Variants in CD40 observed in about 807,000 individuals in gnomAD.
CD40 encodes the protein CD40 molecule.
In CD40, 19 loss-of-function variants were observed where a neutral mutation model predicts 38.5. The observed-to-expected ratio is 0.49, with a 90% confidence interval of 0.34 to 0.72. CD40 has a LOEUF of 0.72. Ranked by LOEUF, CD40 falls within the 30% of genes least tolerant of loss-of-function variation. CD40 has a pLI of 0.01. For missense variants in CD40, 256 were observed against 344.1 expected (o/e 0.74, Z 2.03); for synonymous variants, 130 against 128.7 (o/e 1.01, Z -0.07).
chr20:46,128,238 T>C lies in CD40; in HGVS notation c.646+14T>C, dbSNP rs765214644. 6.3e-7 allele frequency: 1 copy of C among 1,593,326 alleles called. No individual in the cohort carries two copies. Among genetic ancestry groups the C allele is most frequent in the South Asian group, 1.1e-5 (1 of 90,342 alleles). ...TGGTCTTTATCAGTGAGTCCTCAGGTGGGGAGGTGTTGGGGGAGGGAGGGG... is the reference window on the plus strand; with the variant it reads ...TGGTCTTTATCAGTGAGTCCTCAGGCGGGGAGGTGTTGGGGGAGGGAGGGG... On this transcript the variant is annotated intron_variant, in intron 7 of 8. Transcript: ENST00000372285.
chr20:46,121,441 A>T (rs2085315430), intron 1 of CD40, among the ~76,000 whole-genome samples: 1 of 152,184 alleles, frequency 6.6e-6, no homozygotes, highest in Non-Finnish European at 1.5e-5. Flanking sequence ...AGCCCCAAAC[A>T]GCACTGGGAC....
chr20:46,121,801 T>C lies in CD40; in HGVS notation c.52-19T>C, dbSNP rs61508870. 2.5e-6 allele frequency: 4 copies of C among 1,599,164 alleles called. No individual in the cohort carries two copies. The African/African-American group carries it at 5.4e-5, about 21-fold the overall frequency. Reference sequence around the variant, plus strand: ...CGGAGATTTCAAGATCCCTTCAAATTGCACAATTCTGTTTTTAGGTCCATC... The same window carrying C: ...CGGAGATTTCAAGATCCCTTCAAATCGCACAATTCTGTTTTTAGGTCCATC... On this transcript the variant is annotated intron_variant, in intron 1 of 8. Transcript: ENST00000372285.
At chr20:46,128,519 A>C in intron 8 of CD40, 161 bp downstream of exon 8, 1 of 808,474 alleles carries the variant, frequency 1.2e-6, no homozygotes, top group Middle Eastern at 2.2e-4. Context: ...TGCTCCTTCC[A>C]TCCAGAGCTC....
At chr20:46,126,606 G>C (rs368862151) in intron 5 of CD40, 34 bp from the exon 6 acceptor site, 16 of 1,613,058 alleles carry the variant, frequency 9.9e-6, no homozygotes, top group African/African-American at 1.3e-5. Flanking sequence ...TTCTTTCTCT[G>C]TGTGTGTGCA....
chr20:46,124,505 A>G (rs2085382899), intron 5 of CD40, among the ~76,000 whole-genome samples: 1 of 151,946 alleles, frequency 6.6e-6, no homozygotes, highest in Non-Finnish European at 1.5e-5. Context: ...CAACACACAC[A>G]CACACACACA....
intron 1 of CD40, among the ~76,000 whole-genome samples, chr20:46,119,611 C>A (rs1047941174): frequency 1.3e-5 from 2 of 152,148 alleles, no homozygotes; most frequent in East Asian, 3.8e-4. Flanking sequence ...TGGGCTGTGA[C>A]AACAATGTCA....
In CD40 at chr20:46,129,231, A is replaced by G; in HGVS notation, c.*191A>G. 1.5e-6 allele frequency: 1 copy of G among 650,886 alleles called. No homozygotes were observed. The highest frequency in any genetic ancestry group is 2.8e-5 in the East Asian group (1 of 35,630). 40.3% of individuals were successfully genotyped at this position (650,886 alleles called of 1,614,324 possible). On this transcript the variant is annotated 3_prime_UTR_variant, in exon 9 of 9. Coordinates refer to ENST00000372285, the MANE Select transcript of CD40 (RefSeq NM_001250.6). ...GATGCAGAAACAGTTCACCTTGAAG[A>G]ACCTCTCACTTCACCCTGGAGCCCA...
chr20:46,129,257 T>A lies in CD40; in HGVS notation c.*217T>A. On this transcript the variant is annotated 3_prime_UTR_variant, in exon 9 of 9. Coordinates refer to ENST00000372285, the MANE Select transcript of CD40 (RefSeq NM_001250.6). ...ACCTCTCACTTCACCCTGGAGCCCATCCAGTCTCCCAACTTGTATTAAAGA... is the reference window on the plus strand; with the variant it reads ...ACCTCTCACTTCACCCTGGAGCCCAACCAGTCTCCCAACTTGTATTAAAGA... 1.7e-6 allele frequency: 1 copy of A among 591,782 alleles called. No individual in the cohort carries two copies. Among genetic ancestry groups the A allele is most frequent in the South Asian group, 1.9e-5 (1 of 53,756 alleles). 36.7% of individuals were successfully genotyped at this position (591,782 alleles called of 1,614,324 possible). A position where few individuals can be genotyped will look rare whatever the true frequency, so the allele number is the denominator to read the frequency against.
chr20:46,126,064 G>A (rs1360404114), intron 5 of CD40, among the ~76,000 whole-genome samples: 2 of 152,148 alleles, frequency 1.3e-5, no homozygotes, highest in Admixed American at 1.3e-4. Context: ...TTCTCAACAG[G>A]GGGCAGTTTT....
chr20:46,126,868 C>T lies in CD40; in HGVS notation c.559+167C>T. Reference sequence around the variant, plus strand: ...TTGGGAGTCTGGGCAAATCACTTCCCCTCTCTTAGCCTCAGTTTCTTCATC... The same window carrying T: ...TTGGGAGTCTGGGCAAATCACTTCCTCTCTCTTAGCCTCAGTTTCTTCATC... On this transcript the variant is annotated intron_variant, in intron 6 of 8. Coordinates refer to ENST00000372285, the MANE Select transcript of CD40 (RefSeq NM_001250.6). The T allele has an allele frequency of 4.7e-6, 5 of 1,057,982 alleles. 1 individual carries two copies. The South Asian group carries it at 7.1e-5, about 15-fold the overall frequency. 65.5% of individuals were successfully genotyped at this position (1,057,982 alleles called of 1,614,324 possible).
Position 46,129,233 on chromosome 20 carries a change from C to A in CD40, c.*193C>A. 1.6e-6 allele frequency: 1 copy of A among 643,364 alleles called. No individual in the cohort carries two copies. Among genetic ancestry groups the A allele is most frequent in the Non-Finnish European group, 2.8e-6 (1 of 356,224 alleles). The allele number at this position is 643,364 out of a possible 1,614,324, so 39.9% of individuals were successfully genotyped here. A position where few individuals can be genotyped will look rare whatever the true frequency, so the allele number is the denominator to read the frequency against. ...TGCAGAAACAGTTCACCTTGAAGAACCTCTCACTTCACCCTGGAGCCCATC... is the reference window on the plus strand; with the variant it reads ...TGCAGAAACAGTTCACCTTGAAGAAACTCTCACTTCACCCTGGAGCCCATC... On this transcript the variant is annotated 3_prime_UTR_variant, in exon 9 of 9. Coordinates refer to ENST00000372285, the MANE Select transcript of CD40 (RefSeq NM_001250.6).
Position 46,127,099 on chromosome 20 carries a change from C to T in CD40, c.559+398C>T, listed in dbSNP as rs560368886. On this transcript the variant is annotated intron_variant, in intron 6 of 8. Transcript: ENST00000372285. ...TGTATACATATGTAACAAACCTGCACATTATGCACATGTACCCTAAAGCTT... is the reference window on the plus strand; with the variant it reads ...TGTATACATATGTAACAAACCTGCATATTATGCACATGTACCCTAAAGCTT... The T allele has an allele frequency of 1.6e-5, 4 of 252,984 alleles. No individual in the cohort carries two copies. In the East Asian group the frequency reaches 3.6e-4, roughly 22 times the overall value. 15.7% of individuals were successfully genotyped at this position (252,984 alleles called of 1,614,324 possible). A position where few individuals can be genotyped will look rare whatever the true frequency, so the allele number is the denominator to read the frequency against.
chr20:46,123,034 C>A, intron 4 of CD40, 92 bp from the exon 5 acceptor site: 1 of 1,043,250 alleles, frequency 9.6e-7, no homozygotes, highest in South Asian at 1.3e-5. Flanking sequence ...AAGGCAGGAG[C>A]TCTTCCCGTC....
At chr20:46,118,578 G>T (rs1568902715) in intron 1 of CD40, among the ~76,000 whole-genome samples, 184 bp downstream of exon 1, 1 of 152,160 alleles carries the variant, frequency 6.6e-6, no homozygotes, top group Non-Finnish European at 1.5e-5. Flanking sequence ...CTTCTCCCGG[G>T]CTGGGGTCCC....
chr20:46,124,027 G>A lies in CD40; in HGVS notation c.497+808G>A, dbSNP rs114743372. Among the ~76,000 whole-genome samples the A allele has an allele frequency of 1.6e-3, 240 of 152,312 alleles. 2 individuals carry two copies. Among genetic ancestry groups the A allele is most frequent in the African/African-American group, 5.6e-3 (231 of 41,566 alleles). On this transcript the variant is annotated intron_variant, in intron 5 of 8. Transcript: ENST00000372285. Reference sequence around the variant, plus strand: ...TAAACATGGGCCCCAGGCCAGGCGCGGTGGCTCTTGCCTGTAATCTCAGCA... The same window carrying A: ...TAAACATGGGCCCCAGGCCAGGCGCAGTGGCTCTTGCCTGTAATCTCAGCA...
At position 46,122,578 on chromosome 20, in the gene CD40, G is replaced by A. The variant is rs199588140; in HGVS notation, c.257-32G>A. Reference sequence around the variant, plus strand: ...AGGCTCAGAGCATGGCCCAGCAGGGGGTTCCCATCCTTCCTGCCCTTCTCT... The same window carrying A: ...AGGCTCAGAGCATGGCCCAGCAGGGAGTTCCCATCCTTCCTGCCCTTCTCT... On this transcript the variant is annotated intron_variant, in intron 3 of 8. Transcript: ENST00000372285. The surrounding 1 kb of genome is among the most constrained non-coding windows in gnomAD (Gnocchi z 5.0). 501 of 1,613,776 alleles carry A rather than the reference G, an allele frequency of 3.1e-4. 2 individuals are homozygous for A. The highest frequency in any genetic ancestry group is 2.0e-3 in the Middle Eastern group (12 of 6,084).
intron 8 of CD40, 120 bp downstream of exon 8, chr20:46,128,478 C>A: frequency 8.9e-7 from 1 of 1,118,454 alleles, no homozygotes; most frequent in Non-Finnish European, 1.3e-6. Context: ...GGGGTGGCAG[C>A]AGAATTGGGG....
intron 1 of CD40, among the ~76,000 whole-genome samples, chr20:46,120,875 G>A (rs1324262018): frequency 6.6e-6 from 1 of 152,154 alleles, no homozygotes; most frequent in Non-Finnish European, 1.5e-5. Context: ...GATCAGCCTG[G>A]CCAACATGGT....
At chr20:46,119,879 G>A (rs768131608) in intron 1 of CD40, among the ~76,000 whole-genome samples, 1 of 152,206 alleles carries the variant, frequency 6.6e-6, no homozygotes, top group Non-Finnish European at 1.5e-5. Flanking sequence ...TGTGGCAGAA[G>A]GACCAGAACT....
Sources: gnomAD v4.1 joint callset for allele counts (sites outside exome capture counted in the v4.1 genomes callset) on GRCh38, gnomAD v4.1.1 for gene constraint, Gnocchi (gnomAD v3.1) non-coding constraint, MANE v1.5 for transcripts, NCBI Gene and HGNC (gene_info 2026-07-23, HGNC 2026-07-21) for gene names.